The following SYT9 variants were observed in gnomAD, a reference collection of about 807,000 sequenced individuals.
SYT9 encodes the protein synaptotagmin 9, also known as synaptotagmin-9.
In SYT9, 22 loss-of-function variants were observed where a neutral mutation model predicts 48.4. The ratio of observed to expected loss-of-function variants is 0.45; its 90% confidence interval spans 0.32 to 0.65. The LOEUF (loss-of-function observed/expected upper bound fraction) is 0.65, where lower values mean the gene tolerates loss of function less well. SYT9 is among the 30% of genes least tolerant of loss of function. The pLI, the probability that SYT9 is intolerant of heterozygous loss-of-function variation, is 0.03. For synonymous variants in SYT9, 265 were observed against 245.0 expected, an observed-to-expected ratio of 1.08 and a Z score of -0.76; for missense variants, 577 against 622.0, an observed-to-expected ratio of 0.93 and a Z score of 0.77.
chr11:7,459,360 C>A (rs1164662795), intron 6 of SYT9, among the ~76,000 whole-genome samples: 1 of 152,086 alleles, frequency 6.6e-6, no homozygotes, highest in African/African-American at 2.4e-5. Context: ...GGTCCCAGGA[C>A]TAAGAACTGG....
chr11:7,376,822 T>C (rs74053614), intron 3 of SYT9, among the ~76,000 whole-genome samples: 5,233 of 151,912 alleles, frequency 0.034, 322 homozygotes, highest in African/African-American at 0.12. Flanking sequence ...AGAGAGAGCA[T>C]ACAGGGATGG....
At chr11:7,383,212 T>A (rs1246897480) in intron 3 of SYT9, among the ~76,000 whole-genome samples, 1 of 152,112 alleles carries the variant, frequency 6.6e-6, no homozygotes, top group Non-Finnish European at 1.5e-5. Context: ...TTGAGAGAAA[T>A]GTTACAATTA....
chr11:7,341,343 G>A lies in SYT9; in HGVS notation c.1044+27402G>A, dbSNP rs148404537. 3.3e-3 allele frequency among the ~76,000 whole-genome samples: 504 copies of A among 152,296 alleles called. 7 individuals carry two copies. The highest frequency in any genetic ancestry group is 0.01 in the African/African-American group (433 of 41,566). The stretch of plus-strand genomic sequence containing the variant: ...CCCCACCTAAATCTCATCTTGAAAT[G>A]TAGCTCCCACAATCCCCATGTGTTG... On this transcript the variant is annotated intron_variant, in intron 3 of 6. Coordinates refer to ENST00000318881, the MANE Select transcript of SYT9 (RefSeq NM_175733.4).
chr11:7,344,362 T>G (rs1469171716), intron 3 of SYT9, among the ~76,000 whole-genome samples: 1 of 152,102 alleles, frequency 6.6e-6, no homozygotes, highest in Non-Finnish European at 1.5e-5. Context: ...TTTTATTCTC[T>G]TAACACTTTC....
intron 6 of SYT9, among the ~76,000 whole-genome samples, chr11:7,455,060 T>C (rs1848124017): frequency 6.6e-6 from 1 of 152,214 alleles, no homozygotes; most frequent in African/African-American, 2.4e-5. Context: ...GAAAAGCTAA[T>C]AGTTGGAATA....
At chr11:7,451,869 C>T (rs2134149192) in intron 6 of SYT9, among the ~76,000 whole-genome samples, 1 of 152,266 alleles carries the variant, frequency 6.6e-6, no homozygotes, top group East Asian at 1.9e-4. Context: ...ACCTCTGGAT[C>T]CAGCTGTGCC....
chr11:7,341,490 C>T (rs892610326), intron 3 of SYT9, among the ~76,000 whole-genome samples: 8 of 152,180 alleles, frequency 5.3e-5, no homozygotes, highest in Non-Finnish European at 8.8e-5. Context: ...CCCCTGCACA[C>T]GTTCTCTTAC....
At chr11:7,405,603 C>G (rs1367627743) in intron 3 of SYT9, among the ~76,000 whole-genome samples, 1 of 152,124 alleles carries the variant, frequency 6.6e-6, no homozygotes, top group Non-Finnish European at 1.5e-5. Context: ...AAACAATGCT[C>G]AAATACCACA....
At chr11:7,428,934 T>A (rs1454930528) in intron 6 of SYT9, among the ~76,000 whole-genome samples, 4 of 152,152 alleles carry the variant, frequency 2.6e-5, no homozygotes, top group African/African-American at 9.7e-5. Flanking sequence ...GGAAGTCCCA[T>A]GAGTGAATAC....
chr11:7,318,504 G>C (rs1849280864), intron 3 of SYT9, among the ~76,000 whole-genome samples: 1 of 152,042 alleles, frequency 6.6e-6, no homozygotes, highest in South Asian at 2.1e-4. Flanking sequence ...AGTGGAGACG[G>C]GGTTTCACCA....
intron 6 of SYT9, among the ~76,000 whole-genome samples, chr11:7,430,734 A>C (rs1248755982): frequency 1.3e-5 from 2 of 152,042 alleles, no homozygotes; most frequent in African/African-American, 4.8e-5. Flanking sequence ...GGCACCTTCC[A>C]CCCTGCCTTG....
intron 6 of SYT9, chr11:7,454,201 C>G: frequency 1.0e-6 from 1 of 985,334 alleles, no homozygotes; most frequent in Non-Finnish European, 1.2e-6. Context: ...CATTTTAATA[C>G]TCAAATACCC....
chr11:7,357,943 CA>C (rs1850053549), intron 3 of SYT9, among the ~76,000 whole-genome samples: 1 of 151,964 alleles, frequency 6.6e-6, no homozygotes, highest in Non-Finnish European at 1.5e-5. Context: ...TTAAGTCATT[CA>C]AAAATATTTA....
chr11:7,456,006 G>A (rs12789375), intron 6 of SYT9, among the ~76,000 whole-genome samples: 1 of 152,170 alleles, frequency 6.6e-6, no homozygotes, highest in African/African-American at 2.4e-5. Flanking sequence ...CCTCCATGAA[G>A]TTTCTAGTGA....
chr11:7,284,110 A>G (rs1476843942), intron 1 of SYT9, among the ~76,000 whole-genome samples: 1 of 152,194 alleles, frequency 6.6e-6, no homozygotes. Context: ...ATTTTGTATC[A>G]TAAAATACTT....
At chr11:7,438,820 C>T (rs1019126084) in intron 6 of SYT9, 9 of 152,372 alleles carry the variant, frequency 5.9e-5, no homozygotes, top group African/African-American at 2.2e-4. Context: ...TCCCATGCAC[C>T]TCCTACATCC....
intron 1 of SYT9, among the ~76,000 whole-genome samples, chr11:7,298,393 G>A (rs1406730273): frequency 6.6e-6 from 1 of 151,854 alleles, no homozygotes; most frequent in Non-Finnish European, 1.5e-5. Flanking sequence ...TATAAATCTC[G>A]GTACATGAAT....
chr11:7,384,611 C>G (rs948895732), intron 3 of SYT9, among the ~76,000 whole-genome samples: 18 of 152,166 alleles, frequency 1.2e-4, no homozygotes, highest in African/African-American at 3.6e-4. Flanking sequence ...ACTGAAGTAA[C>G]CTTCTAACTG....
intron 6 of SYT9, chr11:7,438,391 A>G (rs12224346): frequency 0.44 from 66,916 of 152,046 alleles, 15,006 homozygotes; most frequent in East Asian, 0.52. Context: ...TCTTTGTGGC[A>G]TATGGAAGCA....
Sources: allele counts gnomAD v4.1 joint callset (sites outside exome capture counted in the v4.1 genomes callset), GRCh38; gene constraint gnomAD v4.1.1; transcripts MANE v1.5; gene names NCBI Gene and HGNC (gene_info 2026-07-23, HGNC 2026-07-21).